Variants in RBM20 observed in about 807,000 individuals in gnomAD.
RBM20 encodes the protein RNA-binding protein 20.
A neutral mutation model predicts 110.1 loss-of-function variants in RBM20; 51 were observed. The ratio of observed to expected loss-of-function variants is 0.46; its 90% CI spans 0.37 to 0.59. RBM20 has a LOEUF of 0.59. Ranked by LOEUF, RBM20 falls within the 20% of genes least tolerant of loss-of-function variation. The pLI, the probability that RBM20 is intolerant of heterozygous loss-of-function variation, is 0.00. For synonymous variants in RBM20, 589 were observed against 618.2 expected, an observed-to-expected ratio of 0.95 and a Z score of 0.70; for missense variants, 1,512 against 1,574.9, an observed-to-expected ratio of 0.96 and a Z score of 0.68.
intron 8 of RBM20, 100 bp from the exon 9 acceptor site, chr10:110,812,178 A>C: frequency 9.4e-7 from 1 of 1,064,338 alleles, no homozygotes; most frequent in Non-Finnish European, 1.3e-6. Flanking sequence ...ACACAGTTAC[A>C]TGCACAGTAT....
At chr10:110,682,646 T>C (rs1173889405) in intron 1 of RBM20, among the ~76,000 whole-genome samples, 1 of 152,222 alleles carries the variant, frequency 6.6e-6, no homozygotes, top group Non-Finnish European at 1.5e-5. Flanking sequence ...GTTATGTGTG[T>C]TGGAAGAAGA....
Position 110,781,863 on chromosome 10 carries a change from C to G in RBM20, c.1254C>G (p.Asp418Glu). ...TGCCGCATATCTGTAGCATCTGTGA[C>G]AAGAAGGTGTTTGATTTGAAGGTGA... is the stretch of plus-strand genomic sequence containing the variant. ...LHLPHICSIC[D>E]KKVFDLKDWE... is the part of the protein sequence containing the mutation. The change falls in exon 2 of 14, where the codon GAC (aspartate) becomes GAG (glutamate). Residue 418 changes from aspartate to glutamate, a missense_variant. Asp to Glu is a conservative substitution (Grantham distance 45). Around this residue, in one of 3 missense-constraint regions of RBM20, gnomAD observed 1,149 missense variants for 1,169.4 expected, o/e 0.98. Transcript: ENST00000369519. 2 of 1,551,736 alleles carry G rather than the reference C, an allele frequency of 1.3e-6. No homozygotes were observed. Among genetic ancestry groups the G allele is most frequent in the Non-Finnish European group, 1.7e-6 (2 of 1,147,024 alleles).
chr10:110,647,851 C>T (rs1213274207), intron 1 of RBM20, among the ~76,000 whole-genome samples: 1 of 152,114 alleles, frequency 6.6e-6, no homozygotes, highest in Non-Finnish European at 1.5e-5. Flanking sequence ...AGTTTTAAAG[C>T]ACTCATTAGA....
intron 1 of RBM20, among the ~76,000 whole-genome samples, chr10:110,709,547 G>A (rs1862890888): frequency 6.7e-6 from 1 of 149,772 alleles, no homozygotes. Flanking sequence ...TGATTTTAAA[G>A]ATCAGTGATA....
chr10:110,728,368 G>A (rs1158876227), intron 1 of RBM20, among the ~76,000 whole-genome samples: 1 of 152,152 alleles, frequency 6.6e-6, no homozygotes, highest in Non-Finnish European at 1.5e-5. Context: ...TTCTCAGGCA[G>A]TACAATCTAA....
chr10:110,713,414 C>T (rs188090032), intron 1 of RBM20, among the ~76,000 whole-genome samples: 52 of 152,272 alleles, frequency 3.4e-4, no homozygotes, highest in African/African-American at 1.2e-3. Flanking sequence ...CCTGAGTCCT[C>T]TCCACTCTCA....
intron 10 of RBM20, among the ~76,000 whole-genome samples, 166 bp downstream of exon 10, chr10:110,820,342 T>C (rs545250754): frequency 5.3e-5 from 8 of 152,334 alleles, no homozygotes; most frequent in African/African-American, 1.9e-4. Context: ...TGGCTGTGCC[T>C]GGAATCTTCG....
At chr10:110,689,978 T>A (rs1010731731) in intron 1 of RBM20, among the ~76,000 whole-genome samples, 8 of 152,208 alleles carry the variant, frequency 5.3e-5, no homozygotes, top group Non-Finnish European at 7.3e-5. Context: ...GAAACAATGC[T>A]TAAATAGGGC....
chr10:110,649,551 C>G (rs574831710), intron 1 of RBM20, among the ~76,000 whole-genome samples: 2 of 152,242 alleles, frequency 1.3e-5, no homozygotes, highest in South Asian at 4.2e-4. Flanking sequence ...GTCTCCCTGC[C>G]AGACAAAAGC....
At chr10:110,668,607 GAA>G (rs11300793) in intron 1 of RBM20, among the ~76,000 whole-genome samples, 26 of 150,352 alleles carry the variant, frequency 1.7e-4, no homozygotes, top group African/African-American at 6.4e-4. Flanking sequence ...GGAGGGAGAG[GAA>G]AAAAAAAACT....
At chr10:110,834,969 A>G (rs1356961917) in intron 13 of RBM20, among the ~76,000 whole-genome samples, 1 of 152,184 alleles carries the variant, frequency 6.6e-6, no homozygotes, top group Admixed American at 6.5e-5. Flanking sequence ...CCTCAACGAT[A>G]GAATAGACAG....
intron 1 of RBM20, among the ~76,000 whole-genome samples, chr10:110,734,217 G>A (rs895066998): frequency 5.3e-5 from 8 of 152,172 alleles, no homozygotes; most frequent in African/African-American, 1.9e-4. Context: ...GGTCTCATTT[G>A]TGTCCCAGGA....
In RBM20 at chr10:110,685,780, T is replaced by G. The variant is rs142057947; in HGVS notation, c.191+41135T>G. Among the ~76,000 whole-genome samples the G allele has an allele frequency of 4.3e-3, 653 of 152,214 alleles. 4 individuals carry two copies. Among genetic ancestry groups the G allele is most frequent in the African/African-American group, 0.015 (607 of 41,526 alleles). On this transcript the variant is annotated intron_variant, in intron 1 of 13. Coordinates refer to ENST00000369519, the MANE Select transcript of RBM20 (RefSeq NM_001134363.3). ...GGAGGTGGGTTCGGGCTAACGTGAG[T>G]AACAAGATCAGGGCAAGACTTTTTT...
chr10:110,791,029 C>A (rs1844477170), intron 5 of RBM20, among the ~76,000 whole-genome samples: 2 of 152,154 alleles, frequency 1.3e-5, no homozygotes, highest in Admixed American at 1.3e-4. Context: ...ATGGATTTAC[C>A]AGTAAAAGTA....
chr10:110,664,410 C>T (rs930386804), intron 1 of RBM20, among the ~76,000 whole-genome samples: 3 of 152,142 alleles, frequency 2.0e-5, no homozygotes, highest in Admixed American at 1.3e-4. Context: ...GATTTACATA[C>T]ATCAAATATA....
At chr10:110,657,883 A>G (rs1199805010) in intron 1 of RBM20, among the ~76,000 whole-genome samples, 1 of 152,240 alleles carries the variant, frequency 6.6e-6, no homozygotes, top group Non-Finnish European at 1.5e-5. Context: ...AATATTGTAC[A>G]TAAGAATCAT....
chr10:110,831,411 G>T, intron 13 of RBM20: 1 of 456,370 alleles, frequency 2.2e-6, no homozygotes, highest in Non-Finnish European at 3.9e-6. Flanking sequence ...CCATAGACTT[G>T]ATTCCATCAG....
chr10:110,649,041 T>C (rs1263850379), intron 1 of RBM20, among the ~76,000 whole-genome samples: 2 of 152,112 alleles, frequency 1.3e-5, no homozygotes, highest in African/African-American at 4.8e-5. Flanking sequence ...CATGTATTCT[T>C]TTGCTACCTC....
At chr10:110,797,699 G>C in intron 6 of RBM20, 51 bp downstream of exon 6, 1 of 1,499,124 alleles carries the variant, frequency 6.7e-7, no homozygotes, top group Non-Finnish European at 9.0e-7. Context: ...CCACACATTA[G>C]TGAAAGGGAA....
Sources: allele counts gnomAD v4.1 joint callset (sites outside exome capture counted in the v4.1 genomes callset), GRCh38; gene constraint gnomAD v4.1.1; regional missense constraint gnomAD v4.1.1; transcripts MANE v1.5; gene names NCBI Gene and HGNC (gene_info 2026-07-23, HGNC 2026-07-21).